Variants in ZNF875 observed in about 807,000 individuals in gnomAD.
The protein encoded by ZNF875 is zinc finger protein 875, also known as HKR1, GLI-Kruppel zinc finger family member.
In ZNF875, 14 loss-of-function variants were observed where a neutral mutation model predicts 11.2. That is an observed-to-expected ratio of 1.26 (90% confidence interval 0.83 to 1.96). ZNF875 has a LOEUF of 1.96. Ranked by LOEUF, ZNF875 falls within the 30% of genes most tolerant of loss-of-function variation. ZNF875 has a pLI of 0.00. For synonymous variants in ZNF875, 301 were observed against 281.1 expected (o/e 1.07, Z -0.71); for missense variants, 752 against 760.4 (o/e 0.99, Z 0.13).
chr19:37,349,969 T>C (rs2037523896), intron 4 of ZNF875, among the ~76,000 whole-genome samples: 1 of 148,030 alleles, frequency 6.8e-6, no homozygotes, highest in Non-Finnish European at 1.5e-5. Context: ...CTGGCCTTTT[T>C]TTTTTTTTTT....
chr19:37,327,760 CAAAAAA>C (rs55800209), intron 4 of ZNF875, among the ~76,000 whole-genome samples: 1 of 113,290 alleles, frequency 8.8e-6, no homozygotes, highest in African/African-American at 3.4e-5. Context: ...CAAAACTCCT[CAAAAAA>C]AAAAAAAAAA....
In ZNF875 at chr19:37,363,508, C is replaced by T. The variant is rs747196296; in HGVS notation, c.1656C>T (p.His552=). Residue 552 remains histidine, a synonymous_variant, in exon 5 of 5, where the codon CAC becomes CAT. Transcript: ENST00000392153. ...RFRQKPNLFR[H]KRAHSGAFVC... is the part of the protein sequence containing the mutation. ...GGCAGAAGCCTAACCTGTTTAGGCA[C>T]AAGAGGGCACACTCAGGTGCCTTTG... 6.2e-7 allele frequency: 1 copy of T among 1,612,720 alleles called. No individual in the cohort carries two copies. The highest frequency in any genetic ancestry group is 1.7e-5 in the Admixed American group (1 of 59,954).
chr19:37,348,369 C>G (rs2037232392), intron 4 of ZNF875, among the ~76,000 whole-genome samples: 1 of 152,168 alleles, frequency 6.6e-6, no homozygotes, highest in Non-Finnish European at 1.5e-5. Context: ...ACCCCTATTT[C>G]CCCTTCCCTG....
rs34434733 is a variant in ZNF875 at position 37,336,297 on chromosome 19, A to ATTT, written c.33+1058_33+1060dup. Among the ~76,000 whole-genome samples, 16 of 124,354 alleles carry ATTT rather than the reference A, an allele frequency of 1.3e-4. 1 individual carries two copies. The highest frequency in any genetic ancestry group is 2.0e-4 in the Non-Finnish European group (12 of 60,606). The allele number at this position is 124,354 out of a possible 152,430, so 81.6% of individuals were successfully genotyped here. On this transcript the variant is annotated intron_variant, in intron 2 of 4. Coordinates refer to ENST00000392153, the MANE Select transcript of ZNF875 (RefSeq NM_001353803.2). ...GGCCAGTGGACTTGCTTAAGATTGA[A>ATTT]TTTTTTTTTTTTTTTTTTTTGAGAC...
In ZNF875 at chr19:37,362,615, A is replaced by C. The variant is rs759825105; in HGVS notation, c.763A>C (p.Met255Leu). The change falls in exon 5 of 5, where the codon ATG becomes CTG. Residue 255 changes from methionine (M) to leucine (L), a missense_variant. Physicochemically the swap from Met to Leu is conservative, Grantham distance 15 (BLOSUM62 2). Transcript: ENST00000392153. ...QKTQTGETPY[M>L]YTEWGDSFGS... ...GACACAAACTGGGGAGACACCTTAC[A>C]TGTACACTGAGTGGGGAGACAGCTT... The C allele has an allele frequency of 1.2e-5, 20 of 1,613,782 alleles. No homozygotes were observed. Among genetic ancestry groups the C allele is most frequent in the Middle Eastern group, 3.3e-4 (2 of 6,082 alleles).
chr19:37,353,554 C>G (rs1050300748), intron 4 of ZNF875, among the ~76,000 whole-genome samples: 2 of 152,266 alleles, frequency 1.3e-5, no homozygotes, highest in South Asian at 4.1e-4. Context: ...CCATCTGATA[C>G]CATTTTCCTT....
chr19:37,362,106 C>A lies in ZNF875; in HGVS notation c.257-3C>A. On this transcript the variant is annotated splice_polypyrimidine_tract_variant and splice_region_variant and intron_variant, in intron 4 of 4. Transcript: ENST00000392153. The stretch of plus-strand genomic sequence containing the variant: ...CCCTCTGAAAATGTTCTTTCTTCAG[C>A]AGAATCGAAGCCAGAAATTCAACTT... 6.2e-7 allele frequency: 1 copy of A among 1,605,780 alleles called. No homozygotes were observed. Among genetic ancestry groups the A allele is most frequent in the Non-Finnish European group, 8.5e-7 (1 of 1,175,226 alleles).
intron 4 of ZNF875, chr19:37,358,133 CTTTTTTTTTTTTT>C (rs35011906): frequency 2.4e-5 from 2 of 84,628 alleles, no homozygotes; most frequent in Non-Finnish European, 4.1e-5. Context: ...TTAAGATGAT[CTTTTTTTTTTTTT>C]TTTTTTTTTT....
chr19:37,355,215 A>G (rs928379362), intron 4 of ZNF875, among the ~76,000 whole-genome samples: 4 of 152,098 alleles, frequency 2.6e-5, no homozygotes, highest in African/African-American at 9.7e-5. Context: ...TTTGAGACAG[A>G]GTCTCGCTCT....
chr19:37,314,141 C>A (rs373677900), upstream of ZNF875, among the ~76,000 whole-genome samples: 2 of 151,984 alleles, frequency 1.3e-5, no homozygotes, highest in African/African-American at 2.4e-5. Context: ...TAGACATGGT[C>A]TCCCTCTTTC....
chr19:37,320,138 G>A (rs1467094339), intron 1 of ZNF875, among the ~76,000 whole-genome samples: 1 of 152,160 alleles, frequency 6.6e-6, no homozygotes, highest in Non-Finnish European at 1.5e-5. Flanking sequence ...GCCTCCCAAA[G>A]TGCTGGGATT....
At chr19:37,324,527 C>A (rs2145723326) in intron 4 of ZNF875, among the ~76,000 whole-genome samples, 1 of 152,256 alleles carries the variant, frequency 6.6e-6, no homozygotes, top group East Asian at 1.9e-4. Flanking sequence ...TAGGCTTCTT[C>A]TGTTTTGAGG....
intron 4 of ZNF875, among the ~76,000 whole-genome samples, chr19:37,328,199 A>G (rs2032827924): frequency 6.6e-6 from 1 of 152,138 alleles, no homozygotes; most frequent in Non-Finnish European, 1.5e-5. Context: ...AGATCGCACC[A>G]TTGCACTCCA....
chr19:37,343,896 A>G (rs2036264788), intron 2 of ZNF875, among the ~76,000 whole-genome samples: 2 of 152,192 alleles, frequency 1.3e-5, no homozygotes, highest in Non-Finnish European at 2.9e-5. Context: ...GTTCTAAACA[A>G]TAAGTAACTT....
chr19:37,319,344 C>CATATACAT (rs1555790745), intron 1 of ZNF875, among the ~76,000 whole-genome samples: 5 of 112,350 alleles, frequency 4.5e-5, no homozygotes, highest in African/African-American at 2.1e-4. Context: ...CTGCAGCCGG[C>CATATACAT]ATATATATAT....
In ZNF875 at chr19:37,328,349, A is replaced by G. The variant is rs1035918513; in HGVS notation, c.-603+4084A>G. ...CTGCTGTGGTTTGAATGTGTTCCCCAAAGTTCATGTGTTGGAAACTCAACC... is the reference window on the plus strand; with the variant it reads ...CTGCTGTGGTTTGAATGTGTTCCCCGAAGTTCATGTGTTGGAAACTCAACC... On this transcript the variant is annotated intron_variant, in intron 4 of 5. Transcript: ENST00000544914. Among the ~76,000 whole-genome samples the G allele has an allele frequency of 3.3e-5, 5 of 152,278 alleles. No individual in the cohort carries two copies. In the South Asian group the frequency reaches 6.2e-4, roughly 19 times the overall value.
intron 2 of ZNF875, among the ~76,000 whole-genome samples, chr19:37,338,425 T>G (rs1393745203): frequency 6.6e-6 from 1 of 152,174 alleles, no homozygotes; most frequent in Non-Finnish European, 1.5e-5. Flanking sequence ...ACCCAGCCTT[T>G]TTGTGTGTAC....
At chr19:37,332,441 T>C (rs1273088932), upstream of ZNF875, among the ~76,000 whole-genome samples, 1 of 152,168 alleles carries the variant, frequency 6.6e-6, no homozygotes, top group East Asian at 1.9e-4. Flanking sequence ...GGTCTCGAAC[T>C]CCCGACCTCA....
chr19:37,315,707 G>GT (rs1235026210), upstream of ZNF875: 5 of 152,200 alleles, frequency 3.3e-5, no homozygotes, highest in East Asian at 9.7e-4. Context: ...GAAGGGCCAA[G>GT]TAACTCACCA....
Sources: allele counts gnomAD v4.1 joint callset (sites outside exome capture counted in the v4.1 genomes callset), GRCh38; gene constraint gnomAD v4.1.1; transcripts MANE v1.5; gene names NCBI Gene and HGNC (gene_info 2026-07-23, HGNC 2026-07-21).